The following XIAP variants were observed in gnomAD, a reference collection of about 807,000 sequenced individuals.
XIAP encodes the protein X-linked inhibitor of apoptosis.
In XIAP, 3 loss-of-function variants were observed where a neutral mutation model predicts 33.1. The observed-to-expected ratio is 0.09, with a 90% confidence interval of 0.04 to 0.23. The LOEUF (loss-of-function observed/expected upper bound fraction) is 0.23. Ranked by LOEUF, XIAP falls within the 10% of genes least tolerant of loss-of-function variation. The probability of loss-of-function intolerance (pLI) is 1.00; values close to 1 mark genes in which losing one functional copy is unlikely to be tolerated. For missense variants in XIAP, 264 were observed against 363.0 expected, an observed-to-expected ratio of 0.73 and a Z score of 2.22; for synonymous variants, 98 against 121.3, an observed-to-expected ratio of 0.81 and a Z score of 1.26.
chrX:123,903,651 T>A (rs1365657401), intron 6 of XIAP, among the ~76,000 whole-genome samples: 1 of 92,356 alleles, frequency 1.1e-5, no homozygotes, highest in Non-Finnish European at 2.2e-5. Context: ...TTGTTTTTTT[T>A]AGATTTTAAA....
chrX:123,867,618 C>T (rs1411031266), intron 1 of XIAP, among the ~76,000 whole-genome samples: 2 of 108,844 alleles, frequency 1.8e-5, no homozygotes, highest in Non-Finnish European at 3.8e-5. Flanking sequence ...GTGATCCGCC[C>T]GCCTTGGCCT....
Position 123,913,014 on chromosome X carries a change from C to T in XIAP, c.*5833C>T. 3.4e-6 allele frequency: 1 copy of T among 292,231 alleles called. No homozygotes were observed. Among genetic ancestry groups the T allele is most frequent in the South Asian group, 3.1e-5 (1 of 31,980 alleles). The allele number at this position is 292,231 out of a possible 1,213,427, so 24.1% of individuals were successfully genotyped here. A position where few individuals can be genotyped will look rare whatever the true frequency, so the allele number is the denominator to read the frequency against. The stretch of plus-strand genomic sequence containing the variant: ...CAGGCTGGTCTCGAACTCCTGATCT[C>T]AGGTGATCTGCCTGCCTCGGCCTCA... On this transcript the variant is annotated 3_prime_UTR_variant, in exon 7 of 7. Transcript: ENST00000371199.
At position 123,913,528 on chromosome X, in the gene XIAP, A is replaced by C. The variant is rs1157554307; in HGVS notation, c.*6347A>C. 2 of 328,857 alleles carry C rather than the reference A, an allele frequency of 6.1e-6. No homozygotes were observed. The highest frequency in any genetic ancestry group is 1.9e-4 in the East Asian group (2 of 10,334). The allele number at this position is 328,857 out of a possible 1,213,427, so 27.1% of individuals were successfully genotyped here. A position where few individuals can be genotyped will look rare whatever the true frequency, so the allele number is the denominator to read the frequency against. On this transcript the variant is annotated 3_prime_UTR_variant, in exon 7 of 7. Coordinates refer to ENST00000371199, the MANE Select transcript of XIAP (RefSeq NM_001167.4). ...GCTACATTAATGTTTGGGTGGTCAG[A>C]TTCTACTTTGAATCTGAAGTTTGCA...
At chrX:123,903,608 GGTTT>G (rs1441247303) in intron 6 of XIAP, among the ~76,000 whole-genome samples, 1 of 98,910 alleles carries the variant, frequency 1.0e-5, no homozygotes, top group African/African-American at 3.8e-5. Context: ...AGTGTTTTGG[GGTTT>G]GTTTCAGTTT....
chrX:123,897,340 A>G (rs979689336), intron 5 of XIAP, among the ~76,000 whole-genome samples: 1 of 112,011 alleles, frequency 8.9e-6, no homozygotes, highest in Non-Finnish European at 1.9e-5. Flanking sequence ...ACCAAGGTTT[A>G]TACCTATGTT....
At chrX:123,891,004 A>G (rs2053402868) in intron 3 of XIAP, among the ~76,000 whole-genome samples, 1 of 111,469 alleles carries the variant, frequency 9.0e-6, no homozygotes, top group East Asian at 2.8e-4. Context: ...GAAAGTTCTC[A>G]AGTTGATATT....
rs181987556 is a variant in XIAP, at chrX:123,912,488, A to G, written c.*5307A>G. On this transcript the variant is annotated 3_prime_UTR_variant, in exon 7 of 7. Transcript: ENST00000371199. ...TGTCTCTACAAAAAATACAAAAATT[A>G]GCTGGGCATGGTGGTGTGTGCCTGT... 4 of 325,800 alleles carry G rather than the reference A, an allele frequency of 1.2e-5. No individual in the cohort carries two copies. The highest frequency in any genetic ancestry group is 9.8e-5 in the East Asian group (1 of 10,201). The allele number at this position is 325,800 out of a possible 1,213,427, so 26.8% of individuals were successfully genotyped here. A position where few individuals can be genotyped will look rare whatever the true frequency, so the allele number is the denominator to read the frequency against.
At chrX:123,903,619 G>GTTTTTTTTTTTT (rs1163905528) in intron 6 of XIAP, among the ~76,000 whole-genome samples, 2 of 55,301 alleles carry the variant, frequency 3.6e-5, no homozygotes, top group African/African-American at 1.5e-4. Context: ...GTTTGTTTCA[G>GTTTTTTTTTTTT]TTTTTTTTTT....
intron 5 of XIAP, 61 bp from the exon 6 acceptor site, chrX:123,900,432 G>A: frequency 9.9e-7 from 1 of 1,010,499 alleles, no homozygotes; most frequent in South Asian, 2.0e-5. Flanking sequence ...CTATTGAGTT[G>A]TGATAATGAA....
intron 1 of XIAP, among the ~76,000 whole-genome samples, chrX:123,864,857 G>T (rs1393878728): frequency 1.1e-5 from 1 of 88,322 alleles, no homozygotes; most frequent in Non-Finnish European, 2.2e-5. Flanking sequence ...GTGTGTGTGT[G>T]TGTTTTAGTA....
chrX:123,892,798 T>C (rs746021318), intron 5 of XIAP, 25 bp downstream of exon 5: 20 of 1,149,552 alleles, frequency 1.7e-5, no homozygotes, highest in Non-Finnish European at 2.3e-5. Context: ...TAACTATCCT[T>C]TTAATTTAAC....
In XIAP at chrX:123,879,817, C is replaced by T. The variant is rs144167908; in HGVS notation, c.-32-5814C>T. ...CCCCATTAAAATAACCTTTATTCTACGTATTTGAAAACCTTGGCTGGGCTC... is the reference window on the plus strand; with the variant it reads ...CCCCATTAAAATAACCTTTATTCTATGTATTTGAAAACCTTGGCTGGGCTC... On this transcript the variant is annotated intron_variant, in intron 1 of 6. Transcript: ENST00000371199. Among the ~76,000 whole-genome samples the T allele has an allele frequency of 5.7e-3, 641 of 111,568 alleles. 2 individuals carry two copies. The highest frequency in any genetic ancestry group is 0.019 in the African/African-American group (571 of 30,783).
chrX:123,912,358 A>T lies in XIAP; in HGVS notation c.*5177A>T, dbSNP rs1197439897. On this transcript the variant is annotated 3_prime_UTR_variant, in exon 7 of 7. Coordinates refer to ENST00000371199, the MANE Select transcript of XIAP (RefSeq NM_001167.4). ...GTTGGTGCAAAAATGCAAAAAAAAA[A>T]AAAGCAATTATTTTTAAACCAACCT... 3.1e-6 allele frequency: 1 copy of T among 321,595 alleles called. No individual in the cohort carries two copies. Among genetic ancestry groups the T allele is most frequent in the African/African-American group, 2.7e-5 (1 of 37,077 alleles). 26.5% of individuals were successfully genotyped at this position (321,595 alleles called of 1,213,427 possible).
intron 5 of XIAP, among the ~76,000 whole-genome samples, chrX:123,893,675 T>C (rs1220926363): frequency 9.0e-6 from 1 of 111,513 alleles, no homozygotes; most frequent in African/African-American, 3.3e-5. Flanking sequence ...ACCCCATCTC[T>C]ACTAAAAATC....
At chrX:123,861,644 G>A (rs1209959225) in intron 1 of XIAP, among the ~76,000 whole-genome samples, 4 of 111,948 alleles carry the variant, frequency 3.6e-5, no homozygotes, top group Non-Finnish European at 5.6e-5. Context: ...TTATAAATTC[G>A]TATTGATTTC....
At chrX:123,885,554 T>C in intron 1 of XIAP, 77 bp from the exon 2 acceptor site, 1 of 838,489 alleles carries the variant, frequency 1.2e-6, no homozygotes, top group East Asian at 3.1e-5. Flanking sequence ...AAGTGGATAA[T>C]TTGTTAGCTC....
chrX:123,893,933 A>T (rs910932021), intron 5 of XIAP, among the ~76,000 whole-genome samples: 1 of 112,828 alleles, frequency 8.9e-6, no homozygotes, highest in Non-Finnish European at 1.9e-5. Context: ...TTCAGGAGGA[A>T]CACTGATAGG....
intron 6 of XIAP, among the ~76,000 whole-genome samples, chrX:123,902,264 A>G (rs1031889348): frequency 3.6e-5 from 4 of 111,135 alleles, no homozygotes; most frequent in African/African-American, 1.3e-4. Flanking sequence ...GGGCGCTCAT[A>G]TTATCACTGA....
intron 5 of XIAP, among the ~76,000 whole-genome samples, chrX:123,893,270 A>G (rs2053424890): frequency 9.1e-6 from 1 of 109,336 alleles, no homozygotes; most frequent in Non-Finnish European, 1.9e-5. Flanking sequence ...CTGTAATCCC[A>G]GCCCTTTGGG....
Sources: allele counts gnomAD v4.1 joint callset (sites outside exome capture counted in the v4.1 genomes callset), GRCh38; gene constraint gnomAD v4.1.1; transcripts MANE v1.5; gene names NCBI Gene and HGNC (gene_info 2026-07-23, HGNC 2026-07-21).